RRN3: variants seen among roughly 807,000 people sequenced by gnomAD.
RRN3 encodes the protein RNA polymerase I transcription factor RRN3, also known as RNA polymerase I-specific transcription initiation factor RRN3.
A neutral mutation model predicts 82.3 loss-of-function variants in RRN3; 38 were observed. That is an observed-to-expected ratio of 0.46 (90% CI 0.36 to 0.61). The LOEUF (loss-of-function observed/expected upper bound fraction) is 0.61. RRN3 is among the 20% of genes least tolerant of loss of function. RRN3 has a pLI of 0.00. For synonymous variants in RRN3, 284 were observed against 284.3 expected (o/e 1.00, Z 0.01); for missense variants, 726 against 793.1 (o/e 0.92, Z 1.02).
At chr16:15,091,895 T>C (rs949683496) in intron 2 of RRN3, among the ~76,000 whole-genome samples, 4 of 152,158 alleles carry the variant, frequency 2.6e-5, no homozygotes, top group African/African-American at 9.7e-5. Flanking sequence ...TAAAATGCTG[T>C]AGGCCAGGCA....
chr16:15,083,350 G>C (rs1423028438), intron 8 of RRN3, among the ~76,000 whole-genome samples, 163 bp downstream of exon 8: 1 of 152,124 alleles, frequency 6.6e-6, no homozygotes, highest in Non-Finnish European at 1.5e-5. Flanking sequence ...AGTGAGCCAA[G>C]ATGACGCCAT....
intron 3 of RRN3, among the ~76,000 whole-genome samples, chr16:15,086,816 C>T (rs2045932240): frequency 6.6e-6 from 1 of 152,172 alleles, no homozygotes; most frequent in African/African-American, 2.4e-5. Context: ...GGAACAATAG[C>T]TACCTCTATT....
chr16:15,089,024 C>T (rs989524197), intron 3 of RRN3, among the ~76,000 whole-genome samples: 21 of 152,034 alleles, frequency 1.4e-4, no homozygotes, highest in African/African-American at 3.4e-4. Context: ...AAGTCTAGGC[C>T]GGGTGGAGTG....
In RRN3 at chr16:15,076,461, T is replaced by C. The variant is rs183359254; in HGVS notation, c.858+97A>G. 1,234 of 875,846 alleles carry C rather than the reference T, an allele frequency of 1.4e-3. 9 individuals are homozygous for C. Among genetic ancestry groups the C allele is most frequent in the South Asian group, 3.4e-3 (255 of 74,182 alleles). 54.3% of individuals were successfully genotyped at this position (875,846 alleles called of 1,614,324 possible). A position where few individuals can be genotyped will look rare whatever the true frequency, so the allele number is the denominator to read the frequency against. On this transcript the variant is annotated intron_variant, in intron 10 of 17. Transcript: ENST00000198767. ...TTTCAAGTTTGCTGAACTATTTTAATTCTTTCAATCTAAAGCCTTAACAAA... is the reference window on the plus strand; with the variant it reads ...TTTCAAGTTTGCTGAACTATTTTAACTCTTTCAATCTAAAGCCTTAACAAA...
Position 15,073,046 on chromosome 16 carries a change from AT to A in RRN3, c.1031del (p.Tyr344PhefsTer4). Reference protein sequence around the residue: ...KVDNGKTKDLYRDLINIFDKL... With the variant: ...KVDNGKTKDLXRDLINIFDKL... The stretch of plus-strand genomic sequence containing the variant: ...TGTCAAAGATGTTTATCAGGTCGCG[AT>A]ATAGATCCTTTGTTTTGCCGTTATC... On this transcript the variant is annotated frameshift_variant, in exon 12 of 18. Coordinates refer to ENST00000198767, the MANE Select transcript of RRN3 (RefSeq NM_018427.5). LOFTEE classifies it high-confidence loss of function. 6.2e-7 allele frequency: 1 copy of A among 1,612,832 alleles called. No homozygotes were observed. The highest frequency in any genetic ancestry group is 8.5e-7 in the Non-Finnish European group (1 of 1,179,722).
chr16:15,089,807 A>C (rs982935834), intron 3 of RRN3, among the ~76,000 whole-genome samples: 3 of 132,702 alleles, frequency 2.3e-5, no homozygotes, highest in African/African-American at 8.0e-5. Flanking sequence ...AAAAAAAAAA[A>C]AAAACAGATT....
intron 8 of RRN3, among the ~76,000 whole-genome samples, 198 bp downstream of exon 8, chr16:15,083,315 C>T (rs2045780390): frequency 6.6e-6 from 1 of 152,112 alleles, no homozygotes; most frequent in East Asian, 1.9e-4. Flanking sequence ...AGGAGAATCG[C>T]TTGAACCCGA....
rs759923851 is a variant in RRN3, at chr16:15,094,133, C to T, written c.89+12G>A. ...GTCCCAGATACGCAGAAGGAAGCGGCCTGAATCTTACCCAGTCCTCGACGC... is the reference window on the plus strand; with the variant it reads ...GTCCCAGATACGCAGAAGGAAGCGGTCTGAATCTTACCCAGTCCTCGACGC... On this transcript the variant is annotated intron_variant, in intron 1 of 17. Coordinates refer to ENST00000198767, the MANE Select transcript of RRN3 (RefSeq NM_018427.5). 3.8e-6 allele frequency: 6 copies of T among 1,588,792 alleles called. No homozygotes were observed.
intron 8 of RRN3, among the ~76,000 whole-genome samples, chr16:15,082,677 C>A (rs1597967993): frequency 6.6e-6 from 1 of 151,434 alleles, no homozygotes; most frequent in African/African-American, 2.4e-5. Context: ...TCCCCCCACC[C>A]CTGAAAAAAA....
intron 8 of RRN3, among the ~76,000 whole-genome samples, chr16:15,080,333 G>A (rs1482680612): frequency 6.6e-6 from 1 of 152,152 alleles, no homozygotes; most frequent in Non-Finnish European, 1.5e-5. Flanking sequence ...TTAAGTAGCT[G>A]TATTGATAAA....
chr16:15,061,533 T>C lies in RRN3; in HGVS notation c.*211A>G, dbSNP rs967894046. On this transcript the variant is annotated 3_prime_UTR_variant, in exon 18 of 18. Transcript: ENST00000198767. ...CCCCACTGTAAAAGATTGCACATGA[T>C]AGTCTTCATTTTGTCTGTAAGGGGA... 8 of 450,006 alleles carry C rather than the reference T, an allele frequency of 1.8e-5. No homozygotes were observed. Among genetic ancestry groups the C allele is most frequent in the Admixed American group, 7.6e-5 (2 of 26,392 alleles). 27.9% of individuals were successfully genotyped at this position (450,006 alleles called of 1,614,324 possible). A position where few individuals can be genotyped will look rare whatever the true frequency, so the allele number is the denominator to read the frequency against.
intron 17 of RRN3, among the ~76,000 whole-genome samples, chr16:15,062,867 G>A (rs1285182819): frequency 1.3e-5 from 2 of 152,324 alleles, no homozygotes; most frequent in Admixed American, 1.3e-4. Flanking sequence ...CGGTTTTGGT[G>A]TGCTTTTTTA....
At chr16:15,078,266 T>C (rs990600232) in intron 9 of RRN3, among the ~76,000 whole-genome samples, 6 of 152,142 alleles carry the variant, frequency 3.9e-5, no homozygotes, top group Non-Finnish European at 8.8e-5. Context: ...TGCTTTCCTA[T>C]AGCATCAATG....
At chr16:15,063,572 G>T (rs530162107) in intron 16 of RRN3, among the ~76,000 whole-genome samples, 1 of 151,812 alleles carries the variant, frequency 6.6e-6, no homozygotes, top group Non-Finnish European at 1.5e-5. Context: ...GCCGGGTGTG[G>T]TGGCGGACAC....
chr16:15,076,807 G>A (rs2045475977), intron 9 of RRN3, among the ~76,000 whole-genome samples, 157 bp from the exon 10 acceptor site: 1 of 152,192 alleles, frequency 6.6e-6, no homozygotes, highest in Non-Finnish European at 1.5e-5. Flanking sequence ...GTGCAAGCCT[G>A]TAAACTGACC....
rs539811347 is a variant in RRN3, at chr16:15,073,046, A to G, written c.1032T>C (p.Tyr344=). 1.2e-6 allele frequency: 2 copies of G among 1,612,832 alleles called. No individual in the cohort carries two copies. The highest frequency in any genetic ancestry group is 3.4e-5 in the Admixed American group (2 of 59,626). ...KVDNGKTKDL[Y]RDLINIFDKL... ...TGTCAAAGATGTTTATCAGGTCGCG[A>G]TATAGATCCTTTGTTTTGCCGTTAT... The change falls in exon 12 of 18, where the codon TAT becomes TAC. Residue 344 remains tyrosine, a synonymous_variant. Transcript: ENST00000198767.
At chr16:15,065,393 C>G (rs551857965) in intron 15 of RRN3, 22 bp from the exon 16 acceptor site, 2 of 1,606,984 alleles carry the variant, frequency 1.2e-6, no homozygotes, top group South Asian at 2.2e-5. Context: ...AAAAACAACA[C>G]AGACAGAGGC....
intron 6 of RRN3, among the ~76,000 whole-genome samples, chr16:15,085,015 G>A (rs187657119): frequency 3.2e-4 from 48 of 151,702 alleles, no homozygotes; most frequent in African/African-American, 8.7e-4. Context: ...GCAGCGAACC[G>A]AGATCACACC....
intron 8 of RRN3, among the ~76,000 whole-genome samples, chr16:15,080,559 T>C (rs1315261281): frequency 1.3e-5 from 2 of 152,122 alleles, no homozygotes; most frequent in African/African-American, 2.4e-5. Flanking sequence ...TCAGCCTCCC[T>C]AGTAGCTAGA....
Sources: allele counts gnomAD v4.1 joint callset (sites outside exome capture counted in the v4.1 genomes callset), GRCh38; gene constraint gnomAD v4.1.1; transcripts MANE v1.5; gene names NCBI Gene and HGNC (gene_info 2026-07-23, HGNC 2026-07-21).